The following TAAR5 variants were observed in gnomAD, a reference collection of about 807,000 sequenced individuals.
TAAR5 encodes trace amine associated receptor 5, also known as trace amine-associated receptor 5.
TAAR5 carries 27 observed loss-of-function variants against 21.1 expected under a neutral mutation model. The observed-to-expected ratio is 1.28, with a 90% CI of 0.94 to 1.76. TAAR5 has a LOEUF of 1.76. TAAR5 is among the 40% of genes most tolerant of loss of function. The pLI is 0.00. For synonymous variants in TAAR5, 203 were observed against 167.5 expected, an observed-to-expected ratio of 1.21 and a Z score of -1.64; for missense variants, 495 against 405.6, an observed-to-expected ratio of 1.22 and a Z score of -1.89.
chr6:132,607,712 G>C, the TAAR5 span, among the ~76,000 whole-genome samples: 2 of 152,122 alleles, frequency 1.3e-5, no homozygotes, highest in South Asian at 2.1e-4. Flanking sequence ...GAGCCTAAAG[G>C]TATCAGAAAA....
In TAAR5 at chr6:132,589,070, G is replaced by A. The variant is rs751214094; in HGVS notation, c.617C>T (p.Pro206Leu). 14 of 1,613,964 alleles carry A rather than the reference G, an allele frequency of 8.7e-6. No individual in the cohort carries two copies. The East Asian group carries it at 2.7e-4, about 31-fold the overall frequency. Residue 206 changes from proline to leucine, a missense_variant, in exon 1 of 1, where the codon CCT (proline) becomes CTT (leucine). Transcript: ENST00000258034. ...LNKFWGWLNF[P>L]LFFVPCLIMI... The stretch of plus-strand genomic sequence containing the variant: ...AATGAGGCAGGGGACAAAGAACAAA[G>A]GGAAGTTTAACCAGCCCCAAAATTT...
At chr6:132,600,835 A>AGGAG in the TAAR5 span, among the ~76,000 whole-genome samples, 3 of 129,892 alleles carry the variant, frequency 2.3e-5, no homozygotes, top group Non-Finnish European at 5.0e-5. Flanking sequence ...GAAGGAAGGA[A>AGGAG]GGAGGGAAGG....
chr6:132,616,015 A>G, the TAAR5 span, among the ~76,000 whole-genome samples: 1 of 152,006 alleles, frequency 6.6e-6, no homozygotes, highest in Admixed American at 6.6e-5. Context: ...TTTGCTTTTC[A>G]TTAAAAATAT....
chr6:132,589,259 G>T lies in TAAR5; in HGVS notation c.428C>A (p.Pro143His). 6.2e-7 allele frequency: 1 copy of T among 1,609,322 alleles called. No individual in the cohort carries two copies. The highest frequency in any genetic ancestry group is 1.3e-5 in the African/African-American group (1 of 74,980). Residue 143 changes from proline to histidine, a missense_variant, in exon 1 of 1, where the codon CCC (proline) becomes CAC (histidine). Transcript: ENST00000258034. ...AGCCACCCTCACTGTGAACTTGGAG[G>T]GATAGAGCAGGGGGTCACAGATGGC... is the stretch of plus-strand genomic sequence containing the variant. Reference protein sequence around the residue: ...HCAICDPLLYPSKFTVRVALR... With the variant: ...HCAICDPLLYHSKFTVRVALR...
At chr6:132,605,407 C>T in the TAAR5 span, among the ~76,000 whole-genome samples, 1 of 152,194 alleles carries the variant, frequency 6.6e-6, no homozygotes, top group Non-Finnish European at 1.5e-5. Context: ...AACCTTACAG[C>T]TATCGGTTTC....
At chr6:132,616,352 T>C in the TAAR5 span, among the ~76,000 whole-genome samples, 1 of 152,182 alleles carries the variant, frequency 6.6e-6, no homozygotes, top group Admixed American at 6.5e-5. Flanking sequence ...AAAGGAATGA[T>C]GGATTGAAAA....
the TAAR5 span, among the ~76,000 whole-genome samples, chr6:132,599,323 C>CTTTTTTTT: frequency 1.0e-5 from 1 of 98,492 alleles, no homozygotes; most frequent in African/African-American, 4.1e-5. Context: ...CTTTTCTTTT[C>CTTTTTTTT]TTTTTTTTTT....
chr6:132,608,245 T>C, the TAAR5 span: 1 of 416,828 alleles, frequency 2.4e-6, no homozygotes, highest in South Asian at 1.8e-5. Context: ...AACAGCTTTT[T>C]ATTAATGTGC....
chr6:132,590,409 T>C (rs912767012), upstream of TAAR5, among the ~76,000 whole-genome samples: 1 of 152,178 alleles, frequency 6.6e-6, no homozygotes, highest in Non-Finnish European at 1.5e-5. Flanking sequence ...GCAAAATGAT[T>C]TTATCTATTT....
At position 132,589,381 on chromosome 6, in the gene TAAR5, G is replaced by A. The variant is rs143791473; in HGVS notation, c.306C>T (p.Phe102=). The A allele has an allele frequency of 2.5e-4, 410 of 1,614,038 alleles. 1 individual carries two copies. In the African/African-American group the frequency reaches 4.8e-3, roughly 19 times the overall value. The change falls in exon 1 of 1, where the codon TTC becomes TTT. Residue 102 remains phenylalanine (F), a synonymous_variant. Transcript: ENST00000258034. The part of the protein sequence containing the change: ...TIRSVESCWF[F]GDFLCRLHTY... ...TGTGCAGGCGGCAGAGGAAGTCCCC[G>A]AAGAACCAGCAGCTCTCCACTGAGC...
the TAAR5 span, chr6:132,608,882 C>CGGCATAA: frequency 2.2e-6 from 1 of 455,792 alleles, no homozygotes; most frequent in Non-Finnish European, 4.4e-6. Context: ...GGGTAACACA[C>CGGCATAA]GGCATAAAAT....
At chr6:132,612,584 A>G in the TAAR5 span, among the ~76,000 whole-genome samples, 3 of 152,222 alleles carry the variant, frequency 2.0e-5, no homozygotes, top group Non-Finnish European at 4.4e-5. Flanking sequence ...AGATAGTGTT[A>G]GTAGAAGAAA....
At position 132,589,050 on chromosome 6, in the gene TAAR5, G is replaced by A. The variant is rs1776859620; in HGVS notation, c.637C>T (p.Leu213Phe). 2 of 1,614,078 alleles carry A rather than the reference G, an allele frequency of 1.2e-6. No homozygotes were observed. The highest frequency in any genetic ancestry group is 4.5e-5 in the East Asian group (2 of 44,832). Reference protein sequence around the residue: ...LNFPLFFVPCLIMISLYVKIF... With the variant: ...LNFPLFFVPCFIMISLYVKIF... The stretch of plus-strand genomic sequence containing the variant: ...TTCACATACAAGCTGATCATAATGA[G>A]GCAGGGGACAAAGAACAAAGGGAAG... The change falls in exon 1 of 1, where the codon CTC becomes TTC. Residue 213 changes from leucine (L) to phenylalanine (F), a missense_variant. By Grantham distance (22) the Leu-to-Phe change is conservative (BLOSUM62 0). Coordinates refer to ENST00000258034, the MANE Select transcript of TAAR5 (RefSeq NM_003967.3).
At chr6:132,612,337 G>A in the TAAR5 span, among the ~76,000 whole-genome samples, 33,131 of 152,012 alleles carry the variant, frequency 0.22, 7,118 homozygotes, top group African/African-American at 0.56. Flanking sequence ...AAAAATATCT[G>A]TGTTGTTTCA....
upstream of TAAR5, among the ~76,000 whole-genome samples, chr6:132,590,091 T>A (rs1776885201): frequency 2.0e-5 from 3 of 152,222 alleles, no homozygotes; most frequent in Admixed American, 2.0e-4. Flanking sequence ...ATAAGGTATT[T>A]TTTGTCAAAT....
At chr6:132,598,356 C>T in the TAAR5 span, among the ~76,000 whole-genome samples, 4 of 152,136 alleles carry the variant, frequency 2.6e-5, no homozygotes, top group African/African-American at 4.8e-5. Context: ...TCTTTCAACA[C>T]ACAAAAAATA....
the TAAR5 span, among the ~76,000 whole-genome samples, chr6:132,610,305 G>A: frequency 0.04 from 6,046 of 152,148 alleles, 140 homozygotes; most frequent in Non-Finnish European, 0.046. Context: ...CTGCTTAGTG[G>A]GCCACAGAAA....
the TAAR5 span, among the ~76,000 whole-genome samples, chr6:132,611,228 AG>A: frequency 6.7e-6 from 1 of 148,624 alleles, no homozygotes; most frequent in Admixed American, 6.7e-5. Context: ...AAAAAAAAAA[AG>A]CATTGAACTC....
rs372095515 is a variant in TAAR5 at position 132,589,364 on chromosome 6, C to T, written c.323G>A (p.Arg108His). ...GAGGGTGTCCAGGTAGGTGTGCAGG[C>T]GGCAGAGGAAGTCCCCGAAGAACCA... ...SCWFFGDFLC[R>H]LHTYLDTLFC... The change falls in exon 1 of 1, where the codon CGC becomes CAC. Residue 108 changes from arginine to histidine, a missense_variant. By Grantham distance (29) the Arg-to-His change is conservative. Transcript: ENST00000258034. 5.5e-5 allele frequency: 89 copies of T among 1,613,918 alleles called. 1 individual carries two copies. In the Middle Eastern group the frequency reaches 6.6e-4, roughly 12 times the overall value.
Sources: gnomAD v4.1 joint callset for allele counts (sites outside exome capture counted in the v4.1 genomes callset) on GRCh38, gnomAD v4.1.1 for gene constraint, MANE v1.5 for transcripts, NCBI Gene and HGNC (gene_info 2026-07-23, HGNC 2026-07-21) for gene names.